Variants in SH3BGRL2 observed in about 807,000 individuals in gnomAD.
The protein encoded by SH3BGRL2 is SH3 domain-binding glutamic acid-rich-like protein 2.
A neutral mutation model predicts 14.8 loss-of-function variants in SH3BGRL2; 21 were observed. The ratio of observed to expected loss-of-function variants is 1.42; its 90% CI spans 1.01 to 2.05. The LOEUF (loss-of-function observed/expected upper bound fraction) is 2.05, where lower values mean the gene tolerates loss of function less well. SH3BGRL2 is among the 30% of genes most tolerant of loss of function. The pLI, the probability that SH3BGRL2 is intolerant of heterozygous loss-of-function variation, is 0.00. For synonymous variants in SH3BGRL2, 50 were observed against 47.8 expected (o/e 1.05, Z -0.19); for missense variants, 147 against 130.8 (o/e 1.12, Z -0.61).
At chr6:79,547,769 T>C in the SH3BGRL2 span, among the ~76,000 whole-genome samples, 1 of 152,150 alleles carries the variant, frequency 6.6e-6, no homozygotes, top group African/African-American at 2.4e-5. Flanking sequence ...CTATGCATAG[T>C]TGAAAGCAGT....
intron 2 of SH3BGRL2, among the ~76,000 whole-genome samples, chr6:79,689,109 G>T (rs2127737747): frequency 6.6e-6 from 1 of 152,154 alleles, no homozygotes; most frequent in Middle Eastern, 3.4e-3. Context: ...TGGTAACCTG[G>T]TGTCTGTCAG....
the SH3BGRL2 span, among the ~76,000 whole-genome samples, chr6:79,610,454 G>A: frequency 4.7e-3 from 718 of 152,298 alleles, 9 homozygotes; most frequent in African/African-American, 0.016. Flanking sequence ...CCTGCCTTAC[G>A]CACAACAGGG....
the SH3BGRL2 span, among the ~76,000 whole-genome samples, chr6:79,551,217 C>A: frequency 1.3e-5 from 2 of 152,148 alleles, no homozygotes; most frequent in Non-Finnish European, 2.9e-5. Context: ...TTACAAGCTG[C>A]AAGGACGTTC....
chr6:79,554,614 T>C, the SH3BGRL2 span, among the ~76,000 whole-genome samples: 1 of 152,196 alleles, frequency 6.6e-6, no homozygotes, highest in Non-Finnish European at 1.5e-5. Context: ...ATTCAATAGC[T>C]TTCATATTGC....
At chr6:79,662,863 C>G (rs990268465) in intron 1 of SH3BGRL2, among the ~76,000 whole-genome samples, 3 of 152,040 alleles carry the variant, frequency 2.0e-5, no homozygotes, top group Non-Finnish European at 4.4e-5. Flanking sequence ...TCTTTTTTGT[C>G]TAAACTTGTC....
the SH3BGRL2 span, among the ~76,000 whole-genome samples, chr6:79,582,485 A>G: frequency 1.3e-5 from 2 of 152,146 alleles, no homozygotes; most frequent in African/African-American, 4.8e-5. Flanking sequence ...AACACCACAC[A>G]TCTACAACCA....
chr6:79,686,928 A>G (rs142584062), intron 2 of SH3BGRL2, among the ~76,000 whole-genome samples: 3 of 152,282 alleles, frequency 2.0e-5, no homozygotes, highest in African/African-American at 7.2e-5. Flanking sequence ...GTGTCCCTCC[A>G]GGGTGAACTT....
chr6:79,542,044 A>G, the SH3BGRL2 span, among the ~76,000 whole-genome samples: 3 of 152,016 alleles, frequency 2.0e-5, no homozygotes, highest in South Asian at 4.2e-4. Context: ...CATACTTACA[A>G]ACATACCTGC....
rs537117459 is a variant in SH3BGRL2 at position 79,683,661 on chromosome 6, A to C, written c.231+9862A>C. 5.3e-5 allele frequency among the ~76,000 whole-genome samples: 8 copies of C among 152,080 alleles called. No individual in the cohort carries two copies. In the South Asian group the frequency reaches 1.2e-3, roughly 24 times the overall value. On this transcript the variant is annotated intron_variant, in intron 2 of 3. Transcript: ENST00000369838. ...ACGGGGTTTCACCATGTTTGCCAGGATGGTCTTGATCTCCTGACCTTGTGA... is the reference window on the plus strand; with the variant it reads ...ACGGGGTTTCACCATGTTTGCCAGGCTGGTCTTGATCTCCTGACCTTGTGA...
chr6:79,622,186 A>ATGG, the SH3BGRL2 span, among the ~76,000 whole-genome samples: 1 of 152,202 alleles, frequency 6.6e-6, no homozygotes, highest in African/African-American at 2.4e-5. Flanking sequence ...ATCAATTAAT[A>ATGG]TGGGACCAGA....
At chr6:79,622,535 T>TC in the SH3BGRL2 span, among the ~76,000 whole-genome samples, 19 of 152,204 alleles carry the variant, frequency 1.2e-4, no homozygotes, top group Non-Finnish European at 2.6e-4. Context: ...AACCACTCAC[T>TC]CATGACCTTT....
chr6:79,611,404 CTT>C, the SH3BGRL2 span, among the ~76,000 whole-genome samples: 80 of 123,640 alleles, frequency 6.5e-4, no homozygotes, highest in Admixed American at 8.3e-4. Flanking sequence ...CAGTATATAA[CTT>C]TTTTTTTTTT....
At chr6:79,605,978 T>G in the SH3BGRL2 span, among the ~76,000 whole-genome samples, 2 of 152,200 alleles carry the variant, frequency 1.3e-5, no homozygotes, top group African/African-American at 4.8e-5. Flanking sequence ...CCAATGAAAA[T>G]AATCCAGAGG....
the SH3BGRL2 span, among the ~76,000 whole-genome samples, chr6:79,613,188 G>C: frequency 6.6e-6 from 1 of 152,180 alleles, no homozygotes; most frequent in African/African-American, 2.4e-5. Context: ...CTGTGCTTTT[G>C]AGAATCAGAA....
chr6:79,610,301 A>G, the SH3BGRL2 span, among the ~76,000 whole-genome samples: 1 of 152,168 alleles, frequency 6.6e-6, no homozygotes, highest in Non-Finnish European at 1.5e-5. Context: ...TTTTCTTTTC[A>G]TTCAACATAA....
chr6:79,652,684 A>C (rs1029274504), intron 1 of SH3BGRL2, among the ~76,000 whole-genome samples: 1 of 152,070 alleles, frequency 6.6e-6, no homozygotes, highest in Non-Finnish European at 1.5e-5. Context: ...GCAGAGGAGA[A>C]TAGACCTAGC....
the SH3BGRL2 span, among the ~76,000 whole-genome samples, chr6:79,566,648 T>C: frequency 1.3e-5 from 2 of 152,098 alleles, no homozygotes; most frequent in South Asian, 2.1e-4. Flanking sequence ...TTCCATAATA[T>C]CTAGAACAGG....
the SH3BGRL2 span, among the ~76,000 whole-genome samples, chr6:79,600,530 G>A: frequency 5.3e-5 from 8 of 152,264 alleles, no homozygotes; most frequent in Admixed American, 5.2e-4. Flanking sequence ...GTCACAGTAG[G>A]CAGAAGGCAG....
chr6:79,566,684 G>C, the SH3BGRL2 span, among the ~76,000 whole-genome samples: 1 of 151,746 alleles, frequency 6.6e-6, no homozygotes, highest in Non-Finnish European at 1.5e-5. Context: ...ATCACTTATG[G>C]GACCAGTGGT....
Sources: allele counts gnomAD v4.1 joint callset (sites outside exome capture counted in the v4.1 genomes callset), GRCh38; gene constraint gnomAD v4.1.1; transcripts MANE v1.5; gene names NCBI Gene and HGNC (gene_info 2026-07-23, HGNC 2026-07-21).